PID1: variants seen among roughly 807,000 people sequenced by gnomAD.
The protein encoded by PID1 is phosphotyrosine interaction domain containing 1.
PID1 carries 10 observed loss-of-function variants against 19.1 expected under a neutral mutation model. The ratio of observed to expected loss-of-function variants is 0.52; its 90% CI spans 0.32 to 0.89. The LOEUF (loss-of-function observed/expected upper bound fraction) is 0.89, where lower values mean the gene tolerates loss of function less well. Ranked by LOEUF, PID1 falls within the 40% of genes least tolerant of loss-of-function variation. The probability of loss-of-function intolerance (pLI) is 0.03; values close to 1 mark genes in which losing one functional copy is unlikely to be tolerated. For synonymous variants in PID1, 130 were observed against 116.0 expected (o/e 1.12, Z -0.78); for missense variants, 248 against 285.3 (o/e 0.87, Z 0.94).
intron 1 of PID1, among the ~76,000 whole-genome samples, chr2:229,241,375 CAT>C (rs1466135335): frequency 6.6e-6 from 1 of 152,102 alleles, no homozygotes; most frequent in Non-Finnish European, 1.5e-5. Context: ...TCACCTTTAA[CAT>C]GTGGAGGCTT....
Position 229,186,668 on chromosome 2 carries a change from C to T in PID1, c.31-30704G>A, listed in dbSNP as rs544712321. Among the ~76,000 whole-genome samples the T allele has an allele frequency of 2.0e-5, 3 of 152,194 alleles. No individual in the cohort carries two copies. The South Asian group carries it at 6.2e-4, about 32-fold the overall frequency. ...CACAACAACATGTTTTCCTCCTAGA[C>T]CTCTGGGCCTGTGATGGAAGGGGCT... On this transcript the variant is annotated intron_variant, in intron 1 of 2. Transcript: ENST00000392055.
chr2:229,162,584 T>C (rs1690512601), intron 1 of PID1, among the ~76,000 whole-genome samples: 1 of 152,242 alleles, frequency 6.6e-6, no homozygotes. Flanking sequence ...CAAATGTTCA[T>C]CTTAAGAGAA....
chr2:229,203,698 A>G (rs1326342142), intron 1 of PID1, among the ~76,000 whole-genome samples: 1 of 152,120 alleles, frequency 6.6e-6, no homozygotes, highest in African/African-American at 2.4e-5. Context: ...GCAGCAGAAT[A>G]TGAAGTAGTC....
rs1409721003 is a variant in PID1 at position 229,115,650 on chromosome 2, T to C, written c.177+40168A>G. On this transcript the variant is annotated intron_variant, in intron 2 of 2. Coordinates refer to ENST00000392055, the MANE Select transcript of PID1 (RefSeq NM_001100818.2). ...TTTTTTAGACTCCACTCCATTCATATTGAAGACTCAAAAAAGTCAATCAGG... is the reference window on the plus strand; with the variant it reads ...TTTTTTAGACTCCACTCCATTCATACTGAAGACTCAAAAAAGTCAATCAGG... Among the ~76,000 whole-genome samples the C allele has an allele frequency of 2.6e-5, 4 of 152,208 alleles. No homozygotes were observed. The East Asian group carries it at 7.7e-4, about 29-fold the overall frequency.
chr2:229,118,104 T>C (rs1414077248), intron 2 of PID1, among the ~76,000 whole-genome samples: 3 of 152,162 alleles, frequency 2.0e-5, no homozygotes, highest in African/African-American at 4.8e-5. Context: ...AAGTACTCAA[T>C]AAATACTTGA....
chr2:229,249,526 T>C (rs560758002), intron 1 of PID1, among the ~76,000 whole-genome samples: 1 of 152,370 alleles, frequency 6.6e-6, no homozygotes, highest in South Asian at 2.1e-4. Context: ...TATTATTCCA[T>C]GTGCAATGGG....
intron 1 of PID1, among the ~76,000 whole-genome samples, chr2:229,267,805 T>A (rs1213456096): frequency 6.6e-6 from 1 of 152,122 alleles, no homozygotes; most frequent in Non-Finnish European, 1.5e-5. Context: ...GGTAATCTCA[T>A]CTCTATTTCA....
At chr2:229,026,705 C>T (rs1016148408) in intron 2 of PID1, among the ~76,000 whole-genome samples, 1 of 152,154 alleles carries the variant, frequency 6.6e-6, no homozygotes, top group Non-Finnish European at 1.5e-5. Flanking sequence ...AACAGCAGTG[C>T]CCAGTTCTTT....
Position 229,033,967 on chromosome 2 carries a change from T to G in PID1, c.178-7859A>C, listed in dbSNP as rs1574571085. 2.0e-5 allele frequency among the ~76,000 whole-genome samples: 3 copies of G among 152,334 alleles called. No homozygotes were observed. The South Asian group carries it at 6.2e-4, about 32-fold the overall frequency. ...GAGATTTATGACCTCAGCTTGAATCTGCTCCTTTCTTGCTGGCCACAGAGG... is the reference window on the plus strand; with the variant it reads ...GAGATTTATGACCTCAGCTTGAATCGGCTCCTTTCTTGCTGGCCACAGAGG... On this transcript the variant is annotated intron_variant, in intron 2 of 2. Coordinates refer to ENST00000392055, the MANE Select transcript of PID1 (RefSeq NM_001100818.2).
Position 229,085,411 on chromosome 2 carries a change from A to G in PID1, c.178-59303T>C, listed in dbSNP as rs80014675. On this transcript the variant is annotated intron_variant, in intron 2 of 2. Transcript: ENST00000392055. Reference sequence around the variant, plus strand: ...TCAAGTCAGGAAAGTCATTTCATTTACCTTTGCATTTTACCATCAATCCCA... The same window carrying G: ...TCAAGTCAGGAAAGTCATTTCATTTGCCTTTGCATTTTACCATCAATCCCA... 2.5e-3 allele frequency among the ~76,000 whole-genome samples: 377 copies of G among 152,222 alleles called. 4 individuals are homozygous for G. The highest frequency in any genetic ancestry group is 8.4e-3 in the African/African-American group (349 of 41,550).
chr2:229,129,627 T>C (rs1027137587), intron 2 of PID1, among the ~76,000 whole-genome samples: 5 of 152,214 alleles, frequency 3.3e-5, no homozygotes, highest in African/African-American at 1.2e-4. Flanking sequence ...AAAGCATTTA[T>C]CATTACTATC....
intron 1 of PID1, among the ~76,000 whole-genome samples, chr2:229,183,348 C>T (rs1203817238): frequency 1.3e-5 from 2 of 152,202 alleles, no homozygotes; most frequent in African/African-American, 4.8e-5. Context: ...GAATCAATTT[C>T]TGTTGTTTTA....
chr2:229,196,509 C>A lies in PID1; in HGVS notation c.31-40545G>T, dbSNP rs541918678. 2.6e-5 allele frequency among the ~76,000 whole-genome samples: 4 copies of A among 151,946 alleles called. No individual in the cohort carries two copies. The East Asian group carries it at 7.8e-4, about 29-fold the overall frequency. The stretch of plus-strand genomic sequence containing the variant: ...CATGCAGTATAAGAAATCATAAAAA[C>A]AACAAAGCTCAAAATAAGATGATAA... On this transcript the variant is annotated intron_variant, in intron 1 of 2. Transcript: ENST00000392055.
chr2:229,125,163 T>C (rs1574648479), intron 2 of PID1, among the ~76,000 whole-genome samples: 1 of 152,318 alleles, frequency 6.6e-6, no homozygotes, highest in East Asian at 1.9e-4. Flanking sequence ...ATTTTTGCTA[T>C]AGTGTTGAAG....
intron 2 of PID1, among the ~76,000 whole-genome samples, chr2:229,099,593 GAAT>G (rs1695036654): frequency 6.6e-6 from 1 of 152,134 alleles, no homozygotes; most frequent in Non-Finnish European, 1.5e-5. Flanking sequence ...ATGGCATTCT[GAAT>G]GTGATGCTCC....
At chr2:229,066,117 A>C (rs754786235) in intron 2 of PID1, among the ~76,000 whole-genome samples, 5 of 152,218 alleles carry the variant, frequency 3.3e-5, no homozygotes, top group Non-Finnish European at 5.9e-5. Context: ...AAACAAAAAA[A>C]CAACCAACCA....
chr2:229,116,870 G>T (rs1695419962), intron 2 of PID1, among the ~76,000 whole-genome samples: 1 of 151,592 alleles, frequency 6.6e-6, no homozygotes. Flanking sequence ...CCTCTGCAAG[G>T]TTCTCCTCCA....
rs151089843 is a variant in PID1, at chr2:229,114,174, A to AACACACACACAC, written c.177+41632_177+41643dup. On this transcript the variant is annotated intron_variant, in intron 2 of 2. Transcript: ENST00000392055. ...CTTTCTCTCTCTCTCTCTCCACACA[A>AACACACACACAC]ACACACACACACACACACACACACA... 1.5e-3 allele frequency among the ~76,000 whole-genome samples: 191 copies of AACACACACACAC among 124,666 alleles called. 1 individual carries two copies. The highest frequency in any genetic ancestry group is 4.8e-3 in the African/African-American group (174 of 35,882). The allele number at this position is 124,666 out of a possible 152,430, so 81.8% of individuals were successfully genotyped here.
intron 1 of PID1, among the ~76,000 whole-genome samples, chr2:229,218,293 C>CAAAAAAAAAAAAA (rs67801043): frequency 1.5e-5 from 1 of 67,598 alleles, no homozygotes; most frequent in Non-Finnish European, 2.6e-5. Context: ...GTTTCCTGAG[C>CAAAAAAAAAAAAA]AAAAAAAAAA....
Sources: gnomAD v4.1 joint callset for allele counts (sites outside exome capture counted in the v4.1 genomes callset) on GRCh38, gnomAD v4.1.1 for gene constraint, MANE v1.5 for transcripts, NCBI Gene and HGNC (gene_info 2026-07-23, HGNC 2026-07-21) for gene names.